Variants in RXFP1 observed in about 807,000 individuals in gnomAD.
The protein encoded by RXFP1 is relaxin family peptide receptor 1, also known as relaxin receptor 1.
A neutral mutation model predicts 89.8 loss-of-function variants in RXFP1; 73 were observed. The observed-to-expected ratio is 0.81, with a 90% CI of 0.67 to 0.99. The LOEUF is 0.99. Ranked by LOEUF, RXFP1 falls within the 50% of genes least tolerant of loss-of-function variation. The pLI is 0.00. For missense variants in RXFP1, 793 were observed against 895.5 expected (o/e 0.89, Z 1.46); for synonymous variants, 277 against 305.5 (o/e 0.91, Z 0.97).
At chr4:158,572,614 A>G in intron 1 of RXFP1, 84 bp from the exon 2 acceptor site, 2 of 1,218,944 alleles carry the variant, frequency 1.6e-6, no homozygotes, top group Non-Finnish European at 2.4e-6. Flanking sequence ...ACAAATGATT[A>G]TAAAATATCA....
At chr4:158,568,006 T>TA (rs1754043334) in intron 1 of RXFP1, among the ~76,000 whole-genome samples, 1 of 152,182 alleles carries the variant, frequency 6.6e-6, no homozygotes, top group Non-Finnish European at 1.5e-5. Flanking sequence ...CTCTAAGGTA[T>TA]AAAGCTTCAC....
chr4:158,538,182 G>C (rs1299099955), intron 1 of RXFP1, among the ~76,000 whole-genome samples: 4 of 152,196 alleles, frequency 2.6e-5, no homozygotes. Flanking sequence ...TTTATTCCAA[G>C]AACAATGGCA....
rs534063405 is a variant in RXFP1, at chr4:158,556,840, A to C, written c.50-15858A>C. 8.5e-5 allele frequency among the ~76,000 whole-genome samples: 13 copies of C among 152,310 alleles called. No homozygotes were observed. In the South Asian group the frequency reaches 2.7e-3, roughly 32 times the overall value. ...AAATAAGCCAGACACAGAAAGACAA[A>C]TTCTGCATGATCGCATTCATATGTG... On this transcript the variant is annotated intron_variant, in intron 1 of 17. Coordinates refer to ENST00000307765, the MANE Select transcript of RXFP1 (RefSeq NM_021634.4).
At chr4:158,549,863 G>T (rs182560417) in intron 1 of RXFP1, among the ~76,000 whole-genome samples, 45 of 152,032 alleles carry the variant, frequency 3.0e-4, no homozygotes, top group Non-Finnish European at 1.6e-4. Flanking sequence ...TGCCCCTACT[G>T]GGGGGGTGCC....
intron 6 of RXFP1, among the ~76,000 whole-genome samples, chr4:158,609,294 C>T (rs1763116147): frequency 6.6e-6 from 1 of 152,190 alleles, no homozygotes; most frequent in Non-Finnish European, 1.5e-5. Flanking sequence ...ACTAGTGTTG[C>T]ACAAGAGTTC....
At chr4:158,532,670 C>T (rs1337908283) in intron 1 of RXFP1, among the ~76,000 whole-genome samples, 1 of 152,148 alleles carries the variant, frequency 6.6e-6, no homozygotes, top group Non-Finnish European at 1.5e-5. Context: ...ACATTGTCCT[C>T]CAGCTAATCC....
intron 9 of RXFP1, among the ~76,000 whole-genome samples, chr4:158,623,911 T>A (rs2150172888): frequency 6.6e-6 from 1 of 152,264 alleles, no homozygotes; most frequent in African/African-American, 2.4e-5. Context: ...TCAGTGAATA[T>A]GAAAGATCCT....
At chr4:158,626,955 C>T in intron 10 of RXFP1, 64 bp downstream of exon 10, 2 of 830,210 alleles carry the variant, frequency 2.4e-6, no homozygotes, top group Middle Eastern at 3.0e-4. Context: ...TTTAAAAACA[C>T]CCATTTTATG....
intron 13 of RXFP1, among the ~76,000 whole-genome samples, chr4:158,638,471 A>C (rs1166170623): frequency 6.6e-6 from 1 of 152,112 alleles, no homozygotes; most frequent in Non-Finnish European, 1.5e-5. Context: ...ACACACACAC[A>C]AAAAGACAAA....
rs375230039 is a variant in RXFP1, at chr4:158,605,086, A to C, written c.411A>C (p.Leu137Phe). 5.5e-5 allele frequency: 87 copies of C among 1,588,112 alleles called. No homozygotes were observed. The highest frequency in any genetic ancestry group is 7.3e-5 in the Non-Finnish European group (85 of 1,161,164). The part of the protein sequence containing the change: ...NVTAMSLQWN[L>F]IRKLPPDCFK... ...ATTTCAGGTCACTTCAGTGGAACTT[A>C]ATAAGAAAGCTTCCTCCTGATTGCT... The change falls in exon 5 of 18, where the codon TTA becomes TTC. Residue 137 changes from leucine (L) to phenylalanine (F), a missense_variant. By Grantham distance (22) the Leu-to-Phe change is conservative. Coordinates refer to ENST00000307765, the MANE Select transcript of RXFP1 (RefSeq NM_021634.4).
At chr4:158,622,521 T>C (rs1561147857) in intron 9 of RXFP1, among the ~76,000 whole-genome samples, 1 of 152,180 alleles carries the variant, frequency 6.6e-6, no homozygotes, top group East Asian at 1.9e-4. Context: ...ATATATACAA[T>C]GGAATACTAG....
At chr4:158,597,743 C>T (rs1760915983) in intron 3 of RXFP1, among the ~76,000 whole-genome samples, 1 of 152,164 alleles carries the variant, frequency 6.6e-6, no homozygotes, top group Non-Finnish European at 1.5e-5. Flanking sequence ...GCTAATTTCA[C>T]TGCCCTCCGT....
At chr4:158,644,467 C>A (rs911701019) in intron 14 of RXFP1, among the ~76,000 whole-genome samples, 4 of 151,230 alleles carry the variant, frequency 2.6e-5, no homozygotes, top group African/African-American at 9.7e-5. Context: ...AACATCATAA[C>A]TTCAATAACA....
intron 17 of RXFP1, 96 bp downstream of exon 17, chr4:158,648,813 C>A: frequency 1.3e-6 from 1 of 784,232 alleles, no homozygotes; most frequent in Non-Finnish European, 2.0e-6. Flanking sequence ...CTAAACAATT[C>A]AAAGAATTGT....
chr4:158,627,004 G>T (rs1383813233), intron 10 of RXFP1, 113 bp downstream of exon 10: 8 of 490,136 alleles, frequency 1.6e-5, no homozygotes, highest in Non-Finnish European at 2.4e-5. Context: ...TCTGTTGTTG[G>T]ATCTCAGTTT....
intron 14 of RXFP1, among the ~76,000 whole-genome samples, chr4:158,643,337 A>G (rs1770757120): frequency 6.6e-6 from 1 of 152,066 alleles, no homozygotes; most frequent in African/African-American, 2.4e-5. Flanking sequence ...ACCCTCACTA[A>G]CTGCCTAAAT....
chr4:158,611,089 A>G (rs139851941), intron 6 of RXFP1, among the ~76,000 whole-genome samples: 1 of 152,324 alleles, frequency 6.6e-6, no homozygotes, highest in East Asian at 1.9e-4. Context: ...CTGCTATAAA[A>G]CATAATATGT....
At chr4:158,647,250 C>A in intron 16 of RXFP1, 49 bp downstream of exon 16, 2 of 1,440,978 alleles carry the variant, frequency 1.4e-6, no homozygotes, top group Non-Finnish European at 1.9e-6. Context: ...TCAAATCTTC[C>A]AACCAGTTTT....
At chr4:158,629,550 T>C (rs549684915) in intron 11 of RXFP1, among the ~76,000 whole-genome samples, 1 of 152,306 alleles carries the variant, frequency 6.6e-6, no homozygotes, top group Admixed American at 6.5e-5. Flanking sequence ...ATAAAATAGA[T>C]GTAGAACAAT....
Sources: gnomAD v4.1 joint callset for allele counts (sites outside exome capture counted in the v4.1 genomes callset) on GRCh38, gnomAD v4.1.1 for gene constraint, MANE v1.5 for transcripts, NCBI Gene and HGNC (gene_info 2026-07-23, HGNC 2026-07-21) for gene names.